Variants in SYN2 observed in about 807,000 individuals in gnomAD.
The protein encoded by SYN2 is synapsin II, also known as synapsin-2.
Under a neutral mutation model 50.9 loss-of-function variants are expected in SYN2, and 19 were observed. That is an observed-to-expected ratio of 0.37 (90% CI 0.26 to 0.55). The LOEUF is 0.55. Ranked by LOEUF, SYN2 falls within the 20% of genes least tolerant of loss-of-function variation. SYN2 has a pLI of 0.81. For missense variants in SYN2, 587 were observed against 576.4 expected (o/e 1.02, Z -0.19); for synonymous variants, 255 against 224.9 (o/e 1.13, Z -1.20).
intron 1 of SYN2, among the ~76,000 whole-genome samples, chr3:12,039,955 CT>C (rs1694577227): frequency 6.6e-6 from 1 of 152,154 alleles, no homozygotes; most frequent in Non-Finnish European, 1.5e-5. Context: ...TTCTGGGCCT[CT>C]ACCAATGGCC....
At chr3:12,124,386 G>A (rs1161139579) in intron 1 of SYN2, among the ~76,000 whole-genome samples, 8 of 152,144 alleles carry the variant, frequency 5.3e-5, no homozygotes, top group Admixed American at 2.0e-4. Context: ...TTATGTTTAG[G>A]TAAGTAAAGT....
At chr3:12,050,704 CTCT>C (rs1216542582) in intron 1 of SYN2, among the ~76,000 whole-genome samples, 1 of 91,978 alleles carries the variant, frequency 1.1e-5, no homozygotes, top group Non-Finnish European at 2.3e-5. Flanking sequence ...CATCTTTCTT[CTCT>C]TCTCTTTTTT....
In SYN2 at chr3:12,145,769, G is replaced by A. The variant is rs769491491; in HGVS notation, c.618G>A (p.Gln206=). 5.0e-6 allele frequency: 8 copies of A among 1,614,018 alleles called. No homozygotes were observed. Among genetic ancestry groups the A allele is most frequent in the Non-Finnish European group, 5.1e-6 (6 of 1,179,886 alleles). The change falls in exon 4 of 13, where the codon CAG becomes CAA. Residue 206 remains glutamine (Q), a synonymous_variant. Transcript: ENST00000621198. ...TCCGCCACCTGATCATTGGTATGCA[G>A]TATGCAGGCCTCCCCAGCATCAACT... ...EDFRHLIIGM[Q]YAGLPSINSL... is the part of the protein sequence containing the mutation.
chr3:12,101,437 AAATTTAC>A (rs1442786702), intron 1 of SYN2, among the ~76,000 whole-genome samples: 1 of 152,140 alleles, frequency 6.6e-6, no homozygotes, highest in African/African-American at 2.4e-5. Context: ...CAGAATAGGC[AAATTTAC>A]AGAGACAAAA....
chr3:12,033,291 A>G (rs1373953777), intron 1 of SYN2, among the ~76,000 whole-genome samples: 1 of 152,150 alleles, frequency 6.6e-6, no homozygotes, highest in Non-Finnish European at 1.5e-5. Flanking sequence ...CAAAGCTCAG[A>G]TGGAAATGCA....
At chr3:12,093,061 A>G (rs1212880960) in intron 1 of SYN2, among the ~76,000 whole-genome samples, 2 of 152,138 alleles carry the variant, frequency 1.3e-5, no homozygotes, top group African/African-American at 2.4e-5. Flanking sequence ...CTCTTTGGGC[A>G]TCTGTTTTCT....
At chr3:12,169,641 CCTG>C in intron 9 of SYN2, 113 bp from the exon 10 acceptor site, 1 of 1,131,592 alleles carries the variant, frequency 8.8e-7, no homozygotes, top group South Asian at 1.6e-5. Context: ...GAGAAGAACT[CCTG>C]CTTCATCTCC....
At chr3:12,039,978 T>C (rs1559395495) in intron 1 of SYN2, among the ~76,000 whole-genome samples, 1 of 152,156 alleles carries the variant, frequency 6.6e-6, no homozygotes, top group African/African-American at 2.4e-5. Context: ...ACTTTAGTCA[T>C]GTGGGCATTG....
chr3:12,095,573 A>G (rs1388351845), intron 1 of SYN2, among the ~76,000 whole-genome samples: 3 of 94,286 alleles, frequency 3.2e-5, no homozygotes, highest in African/African-American at 1.4e-4. Context: ...AAAAAAAAAA[A>G]GGACCATCAT....
intron 1 of SYN2, among the ~76,000 whole-genome samples, chr3:12,094,564 A>G (rs891989927): frequency 1.3e-5 from 2 of 152,308 alleles, no homozygotes; most frequent in South Asian, 4.1e-4. Context: ...TTTTTGTGTA[A>G]CCACAGTAAG....
chr3:12,160,467 C>T (rs369069319), intron 5 of SYN2, among the ~76,000 whole-genome samples: 1 of 152,278 alleles, frequency 6.6e-6, no homozygotes, highest in African/African-American at 2.4e-5. Flanking sequence ...TTATTTCCTT[C>T]AAAGGATACC....
chr3:12,182,619 C>G (rs540771242), intron 10 of SYN2, among the ~76,000 whole-genome samples: 3 of 152,274 alleles, frequency 2.0e-5, no homozygotes, highest in East Asian at 3.9e-4. Context: ...TTACTCTTTC[C>G]CTCTAAGGTA....
At chr3:12,171,093 A>G (rs1697926800) in intron 10 of SYN2, among the ~76,000 whole-genome samples, 1 of 152,184 alleles carries the variant, frequency 6.6e-6, no homozygotes, top group African/African-American at 2.4e-5. Flanking sequence ...CTTTCTGGGT[A>G]TCTGAGTTGA....
intron 1 of SYN2, among the ~76,000 whole-genome samples, chr3:12,089,053 A>G (rs1695772093): frequency 6.6e-6 from 1 of 152,232 alleles, no homozygotes; most frequent in Non-Finnish European, 1.5e-5. Flanking sequence ...ACAATAGGTA[A>G]AATGGTGAAT....
intron 1 of SYN2, among the ~76,000 whole-genome samples, chr3:12,128,186 C>A (rs974271832): frequency 6.6e-6 from 1 of 152,124 alleles, no homozygotes; most frequent in African/African-American, 2.4e-5. Flanking sequence ...CTCAAGTAAT[C>A]CTCCCGCCTC....
chr3:12,042,646 A>G (rs933266649), intron 1 of SYN2, among the ~76,000 whole-genome samples: 1 of 152,180 alleles, frequency 6.6e-6, no homozygotes, highest in African/African-American at 2.4e-5. Flanking sequence ...CCCCCAATTC[A>G]GGTCCACCTC....
Position 12,004,872 on chromosome 3 carries a change from C to T in SYN2, c.321C>T (p.Pro107=), listed in dbSNP as rs2623877. 9.8e-5 allele frequency: 56 copies of T among 571,812 alleles called. No homozygotes were observed. Among genetic ancestry groups the T allele is most frequent in the Non-Finnish European group, 1.7e-4 (55 of 319,548 alleles). The allele number at this position is 571,812 out of a possible 1,614,324, so 35.4% of individuals were successfully genotyped here. A position where few individuals can be genotyped will look rare whatever the true frequency, so the allele number is the denominator to read the frequency against. Residue 107 remains proline (P), a synonymous_variant, in exon 1 of 13, where the codon CCC becomes CCT. Transcript: ENST00000621198. ...TGGTGGACGCGCCCGCTCCCGCGCC[C>T]GCAGCCGCCAGGAAGGCCAAGGTGC... ...AGLVDAPAPA[P]AAARKAKVLL...
intron 1 of SYN2, among the ~76,000 whole-genome samples, chr3:12,112,478 A>T (rs1447659241): frequency 6.6e-6 from 1 of 152,160 alleles, no homozygotes; most frequent in Non-Finnish European, 1.5e-5. Flanking sequence ...GCTATAGGGT[A>T]TGCTTTCAAA....
intron 1 of SYN2, among the ~76,000 whole-genome samples, chr3:12,127,720 G>A (rs1473455674): frequency 2.0e-5 from 3 of 152,204 alleles, no homozygotes; most frequent in Non-Finnish European, 4.4e-5. Context: ...CTGCGCCATG[G>A]TGGTGAGTAG....
Sources: allele counts gnomAD v4.1 joint callset (sites outside exome capture counted in the v4.1 genomes callset), GRCh38; gene constraint gnomAD v4.1.1; transcripts MANE v1.5; gene names NCBI Gene and HGNC (gene_info 2026-07-23, HGNC 2026-07-21).